CDYL: variants seen among roughly 807,000 people sequenced by gnomAD.
CDYL encodes chromodomain Y like, also known as chromodomain Y-like protein.
In CDYL, 8 loss-of-function variants were observed where a neutral mutation model predicts 47.3. That is an observed-to-expected ratio of 0.17 (90% CI 0.10 to 0.31). The LOEUF (loss-of-function observed/expected upper bound fraction) is 0.31, where lower values mean the gene tolerates loss of function less well. Among genes scored for constraint, CDYL ranks in the 10% least tolerant of loss-of-function variants. The probability of loss-of-function intolerance (pLI) is 1.00; values close to 1 mark genes in which losing one functional copy is unlikely to be tolerated. For missense variants in CDYL, 471 were observed against 701.4 expected (o/e 0.67, Z 3.71); for synonymous variants, 266 against 265.0 (o/e 1.00, Z -0.04).
intron 5 of CDYL, among the ~76,000 whole-genome samples, chr6:4,947,866 G>A (rs1025817152): frequency 4.6e-5 from 7 of 152,194 alleles, no homozygotes; most frequent in Non-Finnish European, 1.0e-4. Flanking sequence ...TGGGGTTGGC[G>A]GCCCTGGGAA....
intron 1 of CDYL, among the ~76,000 whole-genome samples, chr6:4,783,831 G>A (rs951136837): frequency 1.3e-5 from 2 of 152,114 alleles, no homozygotes; most frequent in African/African-American, 4.8e-5. Flanking sequence ...ATACGACAAT[G>A]TATTTTGTGT....
At chr6:4,722,413 TA>T (rs1376327813) in intron 2 of CDYL, among the ~76,000 whole-genome samples, 1 of 151,926 alleles carries the variant, frequency 6.6e-6, no homozygotes, top group African/African-American at 2.4e-5. Flanking sequence ...AGAAAAAATT[TA>T]AAAAAACACA....
chr6:4,793,428 A>C (rs1429659861), intron 1 of CDYL, among the ~76,000 whole-genome samples: 1 of 152,066 alleles, frequency 6.6e-6, no homozygotes, highest in East Asian at 1.9e-4. Flanking sequence ...CTGGGGTTGG[A>C]GTGAGGCCGG....
At position 4,792,069 on chromosome 6, in the gene CDYL, T is replaced by A. The variant is rs1216535899; in HGVS notation, c.24+15262T>A. On this transcript the variant is annotated intron_variant, in intron 1 of 6. Transcript: ENST00000397588. ...GGCTAATTTTTTTTTTTTTTTTGTATTTTTAGTACAGACGGGGTTTCACCA... is the reference window on the plus strand; with the variant it reads ...GGCTAATTTTTTTTTTTTTTTTGTAATTTTAGTACAGACGGGGTTTCACCA... Among the ~76,000 whole-genome samples the A allele has an allele frequency of 2.0e-5, 3 of 150,556 alleles. No individual in the cohort carries two copies. In the East Asian group the frequency reaches 5.9e-4, roughly 30 times the overall value.
In CDYL at chr6:4,887,499, A is replaced by G. The variant is rs185942534; in HGVS notation, c.25-4214A>G. On this transcript the variant is annotated intron_variant, in intron 1 of 6. Coordinates refer to ENST00000397588, the MANE Select transcript of CDYL (RefSeq NM_004824.4). ...ATCATTGCTACTGTATAGAAATACA[A>G]TGCAGTTATTCCATTTTAAAAATTG... 3.0e-4 allele frequency among the ~76,000 whole-genome samples: 45 copies of G among 152,246 alleles called. 1 individual carries two copies. Among genetic ancestry groups the G allele is most frequent in the Admixed American group, 1.7e-3 (26 of 15,306 alleles).
At chr6:4,870,933 AT>A (rs1341832582) in intron 1 of CDYL, among the ~76,000 whole-genome samples, 1 of 152,194 alleles carries the variant, frequency 6.6e-6, no homozygotes, top group Non-Finnish European at 1.5e-5. Context: ...TTCAAGCACA[AT>A]TAAAATAGTT....
At chr6:4,735,124 TA>T (rs1389492982) in intron 3 of CDYL, among the ~76,000 whole-genome samples, 5 of 151,978 alleles carry the variant, frequency 3.3e-5, no homozygotes, top group African/African-American at 1.2e-4. Context: ...CCGTCTCTAC[TA>T]AAAATACAAA....
chr6:4,877,511 T>G lies in CDYL; in HGVS notation c.25-14202T>G, dbSNP rs188798600. Reference sequence around the variant, plus strand: ...CATCTTGAATGAACTTCTGTGTATATCGTAGTTTGTGGTTCACTTGGTAAC... The same window carrying G: ...CATCTTGAATGAACTTCTGTGTATAGCGTAGTTTGTGGTTCACTTGGTAAC... On this transcript the variant is annotated intron_variant, in intron 1 of 6. Transcript: ENST00000397588. 3.3e-5 allele frequency among the ~76,000 whole-genome samples: 5 copies of G among 152,334 alleles called. No individual in the cohort carries two copies. In the East Asian group the frequency reaches 9.6e-4, roughly 29 times the overall value.
At chr6:4,880,816 C>T (rs1761743567) in intron 1 of CDYL, among the ~76,000 whole-genome samples, 1 of 152,204 alleles carries the variant, frequency 6.6e-6, no homozygotes, top group Admixed American at 6.5e-5. Flanking sequence ...TATTTGCCAT[C>T]AGTATGTCAT....
chr6:4,755,135 C>A (rs1351997214), intron 3 of CDYL, among the ~76,000 whole-genome samples: 1 of 152,138 alleles, frequency 6.6e-6, no homozygotes, highest in East Asian at 1.9e-4. Flanking sequence ...TCTTGGCTCA[C>A]TGCAACCTCT....
At chr6:4,717,740 A>AAAAAAAAAAAAAAT (rs1491395482) in intron 2 of CDYL, among the ~76,000 whole-genome samples, 6 of 118,760 alleles carry the variant, frequency 5.1e-5, no homozygotes, top group Admixed American at 1.8e-4. Context: ...AAAAAAAAAA[A>AAAAAAAAAAAAAAT]TTAAAAATTG....
chr6:4,730,207 A>G (rs1219691358), intron 2 of CDYL, among the ~76,000 whole-genome samples: 2 of 152,166 alleles, frequency 1.3e-5, no homozygotes, highest in Admixed American at 6.5e-5. Flanking sequence ...CTGAGATTCT[A>G]TAATTAGGTA....
rs572907393 is a variant in CDYL, at chr6:4,808,974, G to A, written c.24+32167G>A. Among the ~76,000 whole-genome samples, 5 of 152,200 alleles carry A rather than the reference G, an allele frequency of 3.3e-5. No homozygotes were observed. In the South Asian group the frequency reaches 8.3e-4, roughly 25 times the overall value. On this transcript the variant is annotated intron_variant, in intron 1 of 6. Transcript: ENST00000397588. The stretch of plus-strand genomic sequence containing the variant: ...TGAAATATTGATGTGGCTTCCAAGC[G>A]TGAGAGCTGTGCACCAGGGTATACA...
At chr6:4,890,303 C>G (rs1457121717) in intron 1 of CDYL, among the ~76,000 whole-genome samples, 1 of 152,164 alleles carries the variant, frequency 6.6e-6, no homozygotes, top group Admixed American at 6.5e-5. Flanking sequence ...CACAACTATT[C>G]ACAAGTGAAG....
chr6:4,716,525 C>G (rs1757266798), intron 2 of CDYL, among the ~76,000 whole-genome samples: 1 of 151,682 alleles, frequency 6.6e-6, no homozygotes, highest in Non-Finnish European at 1.5e-5. Context: ...TCCTTTTCCA[C>G]TTCCTCCAAG....
chr6:4,718,630 T>A (rs893887332), intron 2 of CDYL: 1 of 152,206 alleles, frequency 6.6e-6, no homozygotes, highest in African/African-American at 2.4e-5. Context: ...TTAATCCAGA[T>A]TCCCACTAGC....
At chr6:4,729,593 A>T (rs916994650) in intron 2 of CDYL, among the ~76,000 whole-genome samples, 3 of 152,358 alleles carry the variant, frequency 2.0e-5, no homozygotes, top group Admixed American at 6.5e-5. Context: ...CATCTAAAAA[A>T]AACAATGACC....
intron 2 of CDYL, among the ~76,000 whole-genome samples, chr6:4,721,311 A>G (rs1757365002): frequency 6.6e-6 from 1 of 151,804 alleles, no homozygotes; most frequent in South Asian, 2.1e-4. Flanking sequence ...TCTTCTCTGT[A>G]TCTTTCCAAT....
At chr6:4,798,530 A>T (rs566809957) in intron 1 of CDYL, among the ~76,000 whole-genome samples, 1 of 152,318 alleles carries the variant, frequency 6.6e-6, no homozygotes, top group South Asian at 2.1e-4. Flanking sequence ...CTAAGAGTAG[A>T]TATGGTATAC....
Sources: gnomAD v4.1 joint callset for allele counts (sites outside exome capture counted in the v4.1 genomes callset) on GRCh38, gnomAD v4.1.1 for gene constraint, MANE v1.5 for transcripts, NCBI Gene and HGNC (gene_info 2026-07-23, HGNC 2026-07-21) for gene names.